The following PLS1 variants were observed in gnomAD, a reference collection of about 807,000 sequenced individuals.
PLS1 encodes the protein plastin 1.
In PLS1, 32 loss-of-function variants were observed where a neutral mutation model predicts 73.7. That is an observed-to-expected ratio of 0.43 (90% confidence interval 0.33 to 0.58). The LOEUF (loss-of-function observed/expected upper bound fraction) is 0.58, where lower values mean the gene tolerates loss of function less well. Among genes scored for constraint, PLS1 ranks in the 20% least tolerant of loss-of-function variants. The pLI is 0.04. For missense variants in PLS1, 633 were observed against 740.5 expected (o/e 0.85, Z 1.68); for synonymous variants, 217 against 261.3 (o/e 0.83, Z 1.63).
chr3:142,683,361 G>A (rs747975069), intron 6 of PLS1, among the ~76,000 whole-genome samples: 1 of 152,166 alleles, frequency 6.6e-6, no homozygotes. Flanking sequence ...AAAACTGGCC[G>A]GGCGTGGTGG....
chr3:142,615,565 G>A (rs1372010469), intron 1 of PLS1, among the ~76,000 whole-genome samples: 1 of 152,080 alleles, frequency 6.6e-6, no homozygotes, highest in Non-Finnish European at 1.5e-5. Flanking sequence ...CTTTATTCTT[G>A]GTGGAGGTGG....
intron 1 of PLS1, among the ~76,000 whole-genome samples, chr3:142,625,492 G>A (rs1446256381): frequency 6.6e-6 from 1 of 152,074 alleles, no homozygotes; most frequent in African/African-American, 2.4e-5. Context: ...TGAGGTGGGA[G>A]GTCGAGATGC....
At chr3:142,698,190 G>C in intron 12 of PLS1, 123 bp downstream of exon 12, 1 of 589,904 alleles carries the variant, frequency 1.7e-6, no homozygotes, top group Non-Finnish European at 3.0e-6. Context: ...AATGTGTTAA[G>C]CTTAATAGCC....
chr3:142,669,490 G>A lies in PLS1; in HGVS notation c.171G>A (p.Glu57=). The change falls in exon 3 of 16, where the codon GAG becomes GAA. Residue 57 remains glutamate, a synonymous_variant. Transcript: ENST00000457734. ...LPGYKVREIV[E]KILSVADSNK... is the part of the protein sequence containing the mutation. The stretch of plus-strand genomic sequence containing the variant: ...GCTACAAGGTGCGCGAGATTGTGGA[G>A]AAAATTCTATCAGTTGCTGACAGCA... 6.2e-7 allele frequency: 1 copy of A among 1,613,776 alleles called. No homozygotes were observed. Among genetic ancestry groups the A allele is most frequent in the South Asian group, 1.1e-5 (1 of 91,042 alleles).
In PLS1 at chr3:142,686,357, T is replaced by C. The variant is rs768773203; in HGVS notation, c.962T>C (p.Ile321Thr). ...GGGGAAGATGGACCTGCCATTGCCA[T>C]TGACCTTTCAGGAATTAATGTGAGT... is the stretch of plus-strand genomic sequence containing the variant. Reference protein sequence around the residue: ...KGGEDGPAIAIDLSGINETND... With the variant: ...KGGEDGPAIATDLSGINETND... The change falls in exon 9 of 16, where the codon ATT (isoleucine) becomes ACT (threonine). Residue 321 changes from isoleucine (I) to threonine (T), a missense_variant. Ile to Thr is a moderately conservative substitution (Grantham distance 89). Coordinates refer to ENST00000457734, the MANE Select transcript of PLS1 (RefSeq NM_001145319.2). 77 of 1,605,262 alleles carry C rather than the reference T, an allele frequency of 4.8e-5. No homozygotes were observed. Among genetic ancestry groups the C allele is most frequent in the Non-Finnish European group, 5.7e-5 (67 of 1,172,092 alleles).
rs2037917477 is a variant in PLS1, at chr3:142,684,284, A to G, written c.777A>G (p.Glu259=). The G allele has an allele frequency of 1.2e-6, 2 of 1,614,160 alleles. No homozygotes were observed. The change falls in exon 8 of 16, where the codon GAA becomes GAG. Residue 259 remains glutamate (E), a synonymous_variant. Coordinates refer to ENST00000457734, the MANE Select transcript of PLS1 (RefSeq NM_001145319.2). Reference sequence around the variant, plus strand: ...TTGCATTGTTAAATGAAGGTGAGGAACTAGAGGAGCTGATGAAGCTTTCTC... The same window carrying G: ...TTGCATTGTTAAATGAAGGTGAGGAGCTAGAGGAGCTGATGAAGCTTTCTC... ...ALIALLNEGE[E]LEELMKLSPE... is the part of the protein sequence containing the mutation.
chr3:142,602,107 G>GTTTTTT, intron 1 of PLS1, among the ~76,000 whole-genome samples: 1 of 144,502 alleles, frequency 6.9e-6, no homozygotes, highest in Non-Finnish European at 1.5e-5. Context: ...AATCGTTCCG[G>GTTTTTT]TTTTTTTTTT....
chr3:142,670,740 C>T (rs1435367200), intron 3 of PLS1, among the ~76,000 whole-genome samples: 2 of 152,076 alleles, frequency 1.3e-5, no homozygotes, highest in Non-Finnish European at 1.5e-5. Context: ...TATGGCAAGC[C>T]AAGAAGAATA....
intron 1 of PLS1, among the ~76,000 whole-genome samples, chr3:142,629,173 G>C (rs942272658): frequency 6.6e-6 from 1 of 150,680 alleles, no homozygotes; most frequent in African/African-American, 2.5e-5. Context: ...TGCTACTTTT[G>C]GTGGCTGTTT....
chr3:142,639,042 A>T (rs928344548), intron 1 of PLS1, among the ~76,000 whole-genome samples: 25 of 152,124 alleles, frequency 1.6e-4, no homozygotes, highest in African/African-American at 6.0e-4. Flanking sequence ...CAGCTGGCCT[A>T]TCTTTATGTT....
At chr3:142,663,435 AG>A (rs1270966132) in intron 1 of PLS1, among the ~76,000 whole-genome samples, 1 of 152,146 alleles carries the variant, frequency 6.6e-6, no homozygotes, top group Non-Finnish European at 1.5e-5. Flanking sequence ...AGAATACAAA[AG>A]CCCCCTTGCC....
Position 142,659,421 on chromosome 3 carries a change from G to T in PLS1, c.-36-4781G>T, listed in dbSNP as rs191217118. Among the ~76,000 whole-genome samples the T allele has an allele frequency of 7.2e-5, 11 of 152,168 alleles. No homozygotes were observed. The South Asian group carries it at 2.3e-3, about 32-fold the overall frequency. On this transcript the variant is annotated intron_variant, in intron 1 of 15. Transcript: ENST00000457734. ...GCTCTTATTTAAAATGGTCACTATA[G>T]GTACTGTATATATAATTTTATCATT... is the stretch of plus-strand genomic sequence containing the variant.
intron 6 of PLS1, among the ~76,000 whole-genome samples, 177 bp from the exon 7 acceptor site, chr3:142,683,829 A>T (rs981452921): frequency 6.6e-6 from 1 of 152,008 alleles, no homozygotes; most frequent in African/African-American, 2.4e-5. Flanking sequence ...AGTCATTGGC[A>T]TATAAAGTAA....
intron 11 of PLS1, among the ~76,000 whole-genome samples, chr3:142,696,218 T>C (rs1239810515): frequency 6.6e-6 from 1 of 152,254 alleles, no homozygotes; most frequent in Non-Finnish European, 1.5e-5. Flanking sequence ...GATACTCATG[T>C]AATTATTTCA....
intron 4 of PLS1, among the ~76,000 whole-genome samples, chr3:142,674,574 T>C (rs934947479): frequency 2.0e-5 from 3 of 152,212 alleles, no homozygotes; most frequent in African/African-American, 7.2e-5. Context: ...ACAATGTTTT[T>C]ACTTTAAGTT....
At position 142,602,044 on chromosome 3, in the gene PLS1, G is replaced by A. The variant is rs540053043; in HGVS notation, c.-37+5535G>A. 5.3e-5 allele frequency among the ~76,000 whole-genome samples: 8 copies of A among 150,520 alleles called. No individual in the cohort carries two copies. The South Asian group carries it at 1.3e-3, about 24-fold the overall frequency. ...GAATAGCCACAGGTTTCAGCTGGTG[G>A]AACCACCAACATTCTTTGAGCCACA... is the stretch of plus-strand genomic sequence containing the variant. On this transcript the variant is annotated intron_variant, in intron 1 of 15. Transcript: ENST00000457734.
chr3:142,612,626 C>T (rs1216310186), intron 1 of PLS1, among the ~76,000 whole-genome samples: 1 of 151,946 alleles, frequency 6.6e-6, no homozygotes, highest in Admixed American at 6.6e-5. Context: ...GTGTTGTGCA[C>T]CTATACTCCT....
chr3:142,597,721 T>C (rs1388633385), intron 1 of PLS1, among the ~76,000 whole-genome samples: 2 of 152,180 alleles, frequency 1.3e-5, no homozygotes, highest in African/African-American at 4.8e-5. Flanking sequence ...AAGCCCCTCA[T>C]TGGCAAAGCT....
At chr3:142,622,709 A>G (rs1031516004) in intron 1 of PLS1, among the ~76,000 whole-genome samples, 8 of 152,222 alleles carry the variant, frequency 5.3e-5, no homozygotes, top group African/African-American at 1.9e-4. Context: ...CTTAAATGGT[A>G]GTATTGGACT....
Sources: allele counts gnomAD v4.1 joint callset (sites outside exome capture counted in the v4.1 genomes callset), GRCh38; gene constraint gnomAD v4.1.1; transcripts MANE v1.5; gene names NCBI Gene and HGNC (gene_info 2026-07-23, HGNC 2026-07-21).